The following TEK variants were observed in gnomAD, a reference collection of about 807,000 sequenced individuals.
TEK encodes the protein angiopoietin-1 receptor.
TEK carries 43 observed loss-of-function variants against 131.8 expected under a neutral mutation model. The ratio of observed to expected loss-of-function variants is 0.33; its 90% CI spans 0.26 to 0.42. The LOEUF (loss-of-function observed/expected upper bound fraction) is 0.42, where lower values mean the gene tolerates loss of function less well. Ranked by LOEUF, TEK falls within the 10% of genes least tolerant of loss-of-function variation. The pLI, the probability that TEK is intolerant of heterozygous loss-of-function variation, is 1.00. For missense variants in TEK, 1,162 were observed against 1,384.4 expected, an observed-to-expected ratio of 0.84 and a Z score of 2.55; for synonymous variants, 580 against 491.6, an observed-to-expected ratio of 1.18 and a Z score of -2.38.
intron 1 of TEK, among the ~76,000 whole-genome samples, chr9:27,138,083 C>T (rs1201370401): frequency 2.6e-5 from 4 of 151,942 alleles, no homozygotes; most frequent in Non-Finnish European, 4.4e-5. Context: ...CCGGTGGGTT[C>T]GTGGTCTCAC....
intron 18 of TEK, among the ~76,000 whole-genome samples, chr9:27,215,543 G>A (rs917684175): frequency 2.7e-5 from 4 of 146,630 alleles, no homozygotes. Flanking sequence ...GGTCTAGGGT[G>A]AGAACCCTGC....
At chr9:27,117,158 C>T (rs1338567237) in intron 1 of TEK, among the ~76,000 whole-genome samples, 1 of 152,170 alleles carries the variant, frequency 6.6e-6, no homozygotes, top group African/African-American at 2.4e-5. Flanking sequence ...AGCCACTGCG[C>T]CCGGCCGGAA....
At chr9:27,213,432 GC>G in intron 17 of TEK, 51 bp from the exon 18 acceptor site, 1 of 1,374,278 alleles carries the variant, frequency 7.3e-7, no homozygotes, top group Non-Finnish European at 1.0e-6. Flanking sequence ...AAAGTTTTCA[GC>G]CCTGGGGCTT....
Position 27,149,173 on chromosome 9 carries a change from A to G in TEK, c.53-8658A>G, listed in dbSNP as rs1449352091. Among the ~76,000 whole-genome samples, 5 of 152,300 alleles carry G rather than the reference A, an allele frequency of 3.3e-5. No homozygotes were observed. In the East Asian group the frequency reaches 9.6e-4, roughly 29 times the overall value. On this transcript the variant is annotated intron_variant, in intron 1 of 22. Transcript: ENST00000380036. ...ATGGAATACCTATTATAAACCAGGC[A>G]TTGTGCTCATTGTTAGAGATACAGC...
intron 13 of TEK, 149 bp from the exon 14 acceptor site, chr9:27,204,762 A>G: frequency 1.0e-6 from 1 of 960,102 alleles, no homozygotes; most frequent in Non-Finnish European, 1.7e-6. Flanking sequence ...TGGAATATAA[A>G]TGAGTAGCCC....
At chr9:27,209,833 G>C (rs541001009) in intron 16 of TEK, among the ~76,000 whole-genome samples, 20 of 152,276 alleles carry the variant, frequency 1.3e-4, no homozygotes, top group Non-Finnish European at 2.2e-4. Context: ...TGTTTATTGA[G>C]TACTTTCTAC....
intron 2 of TEK, among the ~76,000 whole-genome samples, chr9:27,167,271 A>G (rs1823767946): frequency 6.6e-6 from 1 of 151,914 alleles, no homozygotes; most frequent in African/African-American, 2.4e-5. Flanking sequence ...TCTGTTGCCC[A>G]TGCTGGAGTG....
chr9:27,140,140 G>C (rs1822668837), intron 1 of TEK, among the ~76,000 whole-genome samples: 2 of 152,116 alleles, frequency 1.3e-5, no homozygotes, highest in African/African-American at 4.8e-5. Context: ...TTTAAGTTAG[G>C]CAAATTCAAC....
intron 2 of TEK, among the ~76,000 whole-genome samples, chr9:27,162,887 C>T (rs973783070): frequency 2.6e-5 from 4 of 151,974 alleles, no homozygotes; most frequent in Non-Finnish European, 5.9e-5. Context: ...AGCTTGTTTT[C>T]GTATTTTTAG....
chr9:27,159,800 C>G (rs944590466), intron 2 of TEK, among the ~76,000 whole-genome samples: 1 of 152,156 alleles, frequency 6.6e-6, no homozygotes, highest in Admixed American at 6.5e-5. Context: ...TTGATGCTGT[C>G]TGCTGGGAGG....
At chr9:27,192,661 G>A (rs960754503) in intron 11 of TEK, 38 bp downstream of exon 11, 4 of 1,599,434 alleles carry the variant, frequency 2.5e-6, no homozygotes, top group Non-Finnish European at 3.4e-6. Context: ...CATGAGCTGG[G>A]TGGGAGGGGG....
chr9:27,137,072 C>A (rs1026150835), intron 1 of TEK, among the ~76,000 whole-genome samples: 1 of 152,072 alleles, frequency 6.6e-6, no homozygotes, highest in African/African-American at 2.4e-5. Flanking sequence ...CCTGCTGCCA[C>A]GCCTGGCTAA....
At position 27,197,675 on chromosome 9, in the gene TEK, G is replaced by T. The variant is rs606342; in HGVS notation, c.1909+76G>T. The T allele has an allele frequency of 0.49, 763,894 of 1,567,556 alleles. 189,390 individuals are homozygous for T. Among genetic ancestry groups the T allele is most frequent in the Admixed American group, 0.52 (29,361 of 56,698 alleles). The stretch of plus-strand genomic sequence containing the variant: ...CCATGCAGACTTAGCTAACATCACT[G>T]CAGGACTATTGGAAATTATGAAAGA... On this transcript the variant is annotated intron_variant, in intron 12 of 22. Coordinates refer to ENST00000380036, the MANE Select transcript of TEK (RefSeq NM_000459.5).
intron 12 of TEK, among the ~76,000 whole-genome samples, chr9:27,202,486 A>G (rs1587007474): frequency 1.3e-5 from 2 of 152,238 alleles, no homozygotes; most frequent in East Asian, 3.8e-4. Context: ...AATGCCTGCC[A>G]TATTGTAAGC....
chr9:27,211,532 A>C (rs1164428395), intron 16 of TEK, among the ~76,000 whole-genome samples: 1 of 137,590 alleles, frequency 7.3e-6, no homozygotes, highest in Non-Finnish European at 1.5e-5. Context: ...AGCCCACTGC[A>C]ACCTCCCCAT....
chr9:27,183,437 C>T (rs770703454), intron 7 of TEK, 22 bp from the exon 8 acceptor site: 9 of 1,612,774 alleles, frequency 5.6e-6, no homozygotes, highest in Admixed American at 1.7e-5. Flanking sequence ...TTAGATTTCA[C>T]AGTGCTGTTT....
chr9:27,156,617 C>A (rs1328703267), intron 1 of TEK, among the ~76,000 whole-genome samples: 2 of 152,086 alleles, frequency 1.3e-5, no homozygotes, highest in African/African-American at 4.8e-5. Context: ...GCATTTGAAT[C>A]CCAGCTCTGC....
intron 1 of TEK, among the ~76,000 whole-genome samples, chr9:27,127,853 T>G (rs147305234): frequency 0.024 from 3,580 of 152,330 alleles, 131 homozygotes; most frequent in African/African-American, 0.082. Flanking sequence ...TTTGTTGAAG[T>G]TCTTTGTAGA....
intron 2 of TEK, among the ~76,000 whole-genome samples, chr9:27,159,384 T>G (rs1483468142): frequency 6.6e-6 from 1 of 152,212 alleles, no homozygotes; most frequent in Non-Finnish European, 1.5e-5. Flanking sequence ...GTTAAGTAGC[T>G]GAGCCTAGTA....
Sources: gnomAD v4.1 joint callset for allele counts (sites outside exome capture counted in the v4.1 genomes callset) on GRCh38, gnomAD v4.1.1 for gene constraint, MANE v1.5 for transcripts, NCBI Gene and HGNC (gene_info 2026-07-23, HGNC 2026-07-21) for gene names.